LARS1: variants seen among roughly 807,000 people sequenced by gnomAD.
The protein encoded by LARS1 is leucine--tRNA ligase, cytoplasmic.
A neutral mutation model predicts 162.8 loss-of-function variants in LARS1; 100 were observed. The ratio of observed to expected loss-of-function variants is 0.61; its 90% CI spans 0.52 to 0.73. The LOEUF is 0.73. LARS1 is among the 30% of genes least tolerant of loss of function. The pLI, the probability that LARS1 is intolerant of heterozygous loss-of-function variation, is 0.00. For missense variants in LARS1, 1,258 were observed against 1,408.9 expected (o/e 0.89, Z 1.71); for synonymous variants, 457 against 462.8 (o/e 0.99, Z 0.16).
intron 5 of LARS1, among the ~76,000 whole-genome samples, chr5:146,166,349 T>A (rs776107397): frequency 6.6e-6 from 1 of 152,184 alleles, no homozygotes; most frequent in Non-Finnish European, 1.5e-5. Flanking sequence ...TCTAGCTTTA[T>A]TCTAATAAAA....
At chr5:146,133,866 T>C (rs1167257969) in intron 22 of LARS1, among the ~76,000 whole-genome samples, 5 of 152,198 alleles carry the variant, frequency 3.3e-5, no homozygotes, top group Non-Finnish European at 7.4e-5. Context: ...TTGTTTGAGA[T>C]GGAGTTTCGC....
intron 5 of LARS1, among the ~76,000 whole-genome samples, chr5:146,167,906 G>A (rs1218324644): frequency 1.3e-5 from 2 of 151,942 alleles, no homozygotes; most frequent in East Asian, 1.9e-4. Flanking sequence ...GGATGGTCTC[G>A]ATCTCCTGAC....
intron 2 of LARS1, among the ~76,000 whole-genome samples, chr5:146,173,997 T>C (rs1018340146): frequency 2.0e-5 from 3 of 152,034 alleles, no homozygotes; most frequent in African/African-American, 7.2e-5. Context: ...TAATTCTCTT[T>C]CACTAAACAA....
At position 146,157,564 on chromosome 5, in the gene LARS1, G is replaced by GC; in HGVS notation, c.903dup (p.Gln302AlafsTer9). ...TCAGGACGAACCCAACAATTTGTCT[G>GC]CCCAAACATGGTCTCAGGTCTGAGA... On this transcript the variant is annotated frameshift_variant, in exon 10 of 32. Coordinates refer to ENST00000394434, the MANE Select transcript of LARS1 (RefSeq NM_020117.11). LOFTEE classifies it high-confidence loss of function. The GC allele has an allele frequency of 6.2e-7, 1 of 1,613,942 alleles. No homozygotes were observed.
intron 5 of LARS1, 140 bp from the exon 6 acceptor site, chr5:146,164,611 C>A (rs1484931423): frequency 8.4e-6 from 7 of 829,474 alleles, no homozygotes; most frequent in Non-Finnish European, 1.4e-5. Flanking sequence ...ATTAGTTGTA[C>A]TATTAGTCTG....
chr5:146,121,238 CA>C (rs1040391409), intron 30 of LARS1, among the ~76,000 whole-genome samples: 1 of 152,024 alleles, frequency 6.6e-6, no homozygotes, highest in African/African-American at 2.4e-5. Flanking sequence ...CTTATTCTTT[CA>C]AAATAGGCCT....
Position 146,144,480 on chromosome 5 carries a change from G to C in LARS1, c.1647C>G (p.Asn549Lys). 6.2e-7 allele frequency: 1 copy of C among 1,613,038 alleles called. No individual in the cohort carries two copies. Among genetic ancestry groups the C allele is most frequent in the Non-Finnish European group, 8.5e-7 (1 of 1,179,682 alleles). The change falls in exon 17 of 32, where the codon AAC (asparagine) becomes AAG (lysine). Residue 549 changes from asparagine (N) to lysine (K), a missense_variant. By Grantham distance (94) the Asn-to-Lys change is moderately conservative. Transcript: ENST00000394434. ...WKKQTSQCLK[N>K]LETFCEETRR... ...ACTTTCTCCCATCTTACGTTTCCAG[G>C]TTCTTCAAGCACTGAGATGTCTGTT...
Position 146,126,453 on chromosome 5 carries a change from T to A in LARS1, c.2973A>T (p.Pro991=). The change falls in exon 28 of 32, where the codon CCA becomes CCT. Residue 991 remains proline (P), a synonymous_variant. Coordinates refer to ENST00000394434, the MANE Select transcript of LARS1 (RefSeq NM_020117.11). ...ELKKYMKKVM[P]FVAMIKENLE... is the part of the protein sequence containing the mutation. The stretch of plus-strand genomic sequence containing the variant: ...AGCTTACCTTAATCATGGCAACAAA[T>A]GGCATGACTTTCTTCATGTATTTCT... 1 of 1,609,894 alleles carries A rather than the reference T, an allele frequency of 6.2e-7. No individual in the cohort carries two copies. Among genetic ancestry groups the A allele is most frequent in the Non-Finnish European group, 8.5e-7 (1 of 1,176,638 alleles).
intron 24 of LARS1, chr5:146,130,378 T>A: frequency 1.9e-6 from 1 of 534,204 alleles, no homozygotes; most frequent in Non-Finnish European, 3.3e-6. Flanking sequence ...AAAAAGAATT[T>A]TTTTACAGAC....
In LARS1 at chr5:146,121,692, T is replaced by C. The variant is rs181024956; in HGVS notation, c.3192+800A>G. ...TCCTTTGTAGGGACATGGATAAAGC[T>C]GGAAACCATCATTCTCCACAAACTA... On this transcript the variant is annotated intron_variant, in intron 30 of 31. Transcript: ENST00000394434. Among the ~76,000 whole-genome samples, 288 of 152,272 alleles carry C rather than the reference T, an allele frequency of 1.9e-3. 1 individual carries two copies. The highest frequency in any genetic ancestry group is 6.6e-3 in the African/African-American group (275 of 41,546).
chr5:146,153,341 C>T, intron 12 of LARS1, 114 bp from the exon 13 acceptor site: 2 of 779,298 alleles, frequency 2.6e-6, no homozygotes, highest in Non-Finnish European at 4.2e-6. Context: ...TATTTGTTCT[C>T]CTCTCCATAG....
intron 13 of LARS1, 131 bp downstream of exon 13, chr5:146,153,043 G>A: frequency 1.5e-6 from 1 of 671,232 alleles, no homozygotes; most frequent in Non-Finnish European, 2.4e-6. Flanking sequence ...AAATTAAAGT[G>A]AGTAAATCCT....
chr5:146,116,024 G>A (rs532297997), intron 31 of LARS1, among the ~76,000 whole-genome samples: 3 of 152,254 alleles, frequency 2.0e-5, no homozygotes, highest in East Asian at 1.9e-4. Flanking sequence ...AACAAAGACC[G>A]AAGTTTAGAG....
intron 30 of LARS1, among the ~76,000 whole-genome samples, chr5:146,120,810 A>G (rs935116615): frequency 3.3e-5 from 5 of 152,228 alleles, no homozygotes; most frequent in African/African-American, 1.2e-4. Context: ...TGTACTAAGC[A>G]CTTCATCGAC....
chr5:146,182,392 A>G lies in LARS1; in HGVS notation c.6+96T>C. 5 of 1,530,642 alleles carry G rather than the reference A, an allele frequency of 3.3e-6. No homozygotes were observed. In the South Asian group the frequency reaches 5.6e-5, roughly 17 times the overall value. The allele number at this position is 1,530,642 out of a possible 1,614,324, so 94.8% of individuals were successfully genotyped here. On this transcript the variant is annotated intron_variant, in intron 1 of 31. Transcript: ENST00000394434. ...CGCCTTAAGCGTGGCTCTCTTTTAG[A>G]AAAGGACTTTCCCTTCAGGACAGCA...
Position 146,160,424 on chromosome 5 carries a change from T to A in LARS1, c.657A>T (p.Arg219Ser). 1.3e-6 allele frequency: 2 copies of A among 1,585,864 alleles called. No homozygotes were observed. Among genetic ancestry groups the A allele is most frequent in the Non-Finnish European group, 1.7e-6 (2 of 1,167,858 alleles). Residue 219 changes from arginine (R) to serine (S), a missense_variant, in exon 7 of 32, where the codon AGA becomes AGT. Physicochemically the swap from Arg to Ser is moderately radical, Grantham distance 110. Coordinates refer to ENST00000394434, the MANE Select transcript of LARS1 (RefSeq NM_020117.11). ...TTTCTCTTAATGTTAAAAATTGCCA[T>A]CTGACAAATGAATCATAGTAAGGAT... ...DVNPYYDSFV[R>S]WQFLTLRERN...
At chr5:146,126,405 G>A (rs1162483958) in intron 28 of LARS1, 30 bp downstream of exon 28, 1 of 1,356,806 alleles carries the variant, frequency 7.4e-7, no homozygotes, top group Non-Finnish European at 1.1e-6. Flanking sequence ...TTGCTCATGT[G>A]GTCACAGCTG....
chr5:146,129,260 T>G, intron 25 of LARS1, 142 bp from the exon 26 acceptor site: 4 of 605,062 alleles, frequency 6.6e-6, no homozygotes, highest in Non-Finnish European at 1.1e-5. Flanking sequence ...CATAACACAC[T>G]TGCACAGCCC....
intron 30 of LARS1, 42 bp from the exon 31 acceptor site, chr5:146,120,545 G>A (rs376150057): frequency 1.2e-5 from 19 of 1,581,384 alleles, no homozygotes; most frequent in Middle Eastern, 1.7e-4. Flanking sequence ...CTTGAATACT[G>A]CTGAGGGAGG....
Sources: gnomAD v4.1 joint callset for allele counts (sites outside exome capture counted in the v4.1 genomes callset) on GRCh38, gnomAD v4.1.1 for gene constraint, MANE v1.5 for transcripts, NCBI Gene and HGNC (gene_info 2026-07-23, HGNC 2026-07-21) for gene names.